The following AGAP1 variants were observed in gnomAD, a reference collection of about 807,000 sequenced individuals.
AGAP1 encodes the protein arf-GAP with GTPase, ANK repeat and PH domain-containing protein 1.
Under a neutral mutation model 105.3 loss-of-function variants are expected in AGAP1, and 29 were observed. The ratio of observed to expected loss-of-function variants is 0.28; its 90% CI spans 0.21 to 0.38. The LOEUF (loss-of-function observed/expected upper bound fraction) is 0.38, where lower values mean the gene tolerates loss of function less well. Ranked by LOEUF, AGAP1 falls within the 10% of genes least tolerant of loss-of-function variation. AGAP1 has a pLI of 1.00. For missense variants in AGAP1, 998 were observed against 1,165.1 expected (o/e 0.86, Z 2.09); for synonymous variants, 509 against 485.9 (o/e 1.05, Z -0.63).
chr2:235,848,095 C>T (rs987195405), intron 9 of AGAP1, among the ~76,000 whole-genome samples: 1 of 152,188 alleles, frequency 6.6e-6, no homozygotes, highest in South Asian at 2.1e-4. Flanking sequence ...AGTATCCCAC[C>T]GGTTACACTC....
In AGAP1 at chr2:235,764,643, A is replaced by ATGGGGGCACCTGGGAGCGCCCGTGGGG. The variant is rs1241958997; in HGVS notation, c.673+14164_673+14190dup. On this transcript the variant is annotated intron_variant, in intron 6 of 17. Coordinates refer to ENST00000304032, the MANE Select transcript of AGAP1 (RefSeq NM_001037131.3). The stretch of plus-strand genomic sequence containing the variant: ...GGCTGCCTGCATGTTCCCACCCCTG[A>ATGGGGGCACCTGGGAGCGCCCGTGGGG]TGGGGGCACCTGGGAGCGCCCGTGG... Among the ~76,000 whole-genome samples, 12 of 147,852 alleles carry ATGGGGGCACCTGGGAGCGCCCGTGGGG rather than the reference A, an allele frequency of 8.1e-5. 1 individual carries two copies. The East Asian group carries it at 1.0e-3, about 13-fold the overall frequency.
intron 13 of AGAP1, among the ~76,000 whole-genome samples, chr2:236,024,037 T>TGG (rs2056973131): frequency 8.1e-5 from 8 of 98,450 alleles, no homozygotes; most frequent in South Asian, 7.4e-4. Context: ...TTTTTTTGTT[T>TGG]TTTTTTTTTT....
At position 236,044,999 on chromosome 2, in the gene AGAP1, TGA is replaced by T. The variant is rs2057673894; in HGVS notation, c.1892-4059_1892-4058del. The stretch of plus-strand genomic sequence containing the variant: ...GTGCAATCATGGCTCACTGCAGCCT[TGA>T]ACTCTTAGGCTCCAGCAATCCTCCC... On this transcript the variant is annotated intron_variant, in intron 15 of 17. Transcript: ENST00000304032. The surrounding 1 kb of genome is among the most constrained non-coding windows in gnomAD (Gnocchi z 5.7). Among the ~76,000 whole-genome samples, 2 of 152,116 alleles carry T rather than the reference TGA, an allele frequency of 1.3e-5. No homozygotes were observed. Among genetic ancestry groups the T allele is most frequent in the African/African-American group, 4.8e-5 (2 of 41,442 alleles).
chr2:235,637,750 T>G (rs1947054211), intron 1 of AGAP1, among the ~76,000 whole-genome samples: 1 of 152,056 alleles, frequency 6.6e-6, no homozygotes, highest in Non-Finnish European at 1.5e-5. Flanking sequence ...GGAGGTCTGT[T>G]AGGGGAATTG....
At chr2:235,813,126 G>T (rs1294463752) in intron 9 of AGAP1, among the ~76,000 whole-genome samples, 1 of 152,268 alleles carries the variant, frequency 6.6e-6, no homozygotes, top group South Asian at 2.1e-4. Flanking sequence ...AGGCCTACAC[G>T]TGAAATGACA....
intron 9 of AGAP1, among the ~76,000 whole-genome samples, chr2:235,839,055 A>G (rs746337489): frequency 3.2e-4 from 48 of 151,948 alleles, no homozygotes; most frequent in Non-Finnish European, 6.3e-4. Context: ...TAGAACATCA[A>G]CTCTGTCGGA....
rs2049609966 is a variant in AGAP1 at position 235,874,453 on chromosome 2, A to G, written c.1051-8892A>G. Among the ~76,000 whole-genome samples, 1 of 152,292 alleles carries G rather than the reference A, an allele frequency of 6.6e-6. No individual in the cohort carries two copies. Among genetic ancestry groups the G allele is most frequent in the Admixed American group, 6.5e-5 (1 of 15,300 alleles). On this transcript the variant is annotated intron_variant, in intron 9 of 17. Transcript: ENST00000304032. This position sits in a 1 kb window ranked among gnomAD's most constrained non-coding sequence, Gnocchi z 4.5. ...CAGCTTCTCAGACATGGCTGCCCTC[A>G]TGCCTCCTTGGGGCCAGGGCTGTGG...
At chr2:235,743,780 A>C (rs1241690706) in intron 4 of AGAP1, among the ~76,000 whole-genome samples, 1 of 152,148 alleles carries the variant, frequency 6.6e-6, no homozygotes, top group Non-Finnish European at 1.5e-5. Flanking sequence ...GACGGGATGG[A>C]TTTCGGTTTT....
chr2:235,955,247 G>A (rs552047699), intron 12 of AGAP1, among the ~76,000 whole-genome samples: 54 of 152,264 alleles, frequency 3.5e-4, no homozygotes, highest in Non-Finnish European at 5.7e-4. Context: ...ACCTCCATCT[G>A]CTTCCTTCTT....
intron 1 of AGAP1, among the ~76,000 whole-genome samples, chr2:235,528,092 C>T (rs1942910252): frequency 6.6e-6 from 1 of 152,188 alleles, no homozygotes; most frequent in Non-Finnish European, 1.5e-5. Flanking sequence ...TGTCCTGGAT[C>T]TGTCAAAAAT....
chr2:235,582,697 G>A lies in AGAP1; in HGVS notation c.163+87848G>A, dbSNP rs935953245. Among the ~76,000 whole-genome samples the A allele has an allele frequency of 1.3e-5, 2 of 152,252 alleles. No individual in the cohort carries two copies. The highest frequency in any genetic ancestry group is 4.8e-5 in the African/African-American group (2 of 41,472). ...GGATTTAGCTGCTGGAGTGATGGCC[G>A]AAGGAGCCTGGGAGAAGTCAGAGAG... On this transcript the variant is annotated intron_variant, in intron 1 of 17. Coordinates refer to ENST00000304032, the MANE Select transcript of AGAP1 (RefSeq NM_001037131.3). The surrounding 1 kb of genome is among the most constrained non-coding windows in gnomAD (Gnocchi z 4.7).
chr2:235,707,093 C>T (rs141537293), intron 1 of AGAP1, among the ~76,000 whole-genome samples: 16 of 152,278 alleles, frequency 1.1e-4, no homozygotes, highest in African/African-American at 2.4e-4. Flanking sequence ...CAAAATTTTG[C>T]GCCCCCGATA....
intron 9 of AGAP1, among the ~76,000 whole-genome samples, chr2:235,807,632 G>C (rs1395190127): frequency 3.3e-5 from 5 of 152,210 alleles, no homozygotes; most frequent in Admixed American, 2.6e-4. Context: ...TGATTGGGCC[G>C]CGGGCCGCCG....
chr2:235,718,477 C>G, intron 3 of AGAP1: 1 of 824,442 alleles, frequency 1.2e-6, no homozygotes. Context: ...GCGTTCCCTT[C>G]CCTCCTTGTT....
chr2:235,698,845 C>T (rs1351324881), intron 1 of AGAP1, among the ~76,000 whole-genome samples: 3 of 152,192 alleles, frequency 2.0e-5, no homozygotes, highest in Non-Finnish European at 4.4e-5. Context: ...ATTTTTATTG[C>T]TCTTCCCACT....
At position 235,739,244 on chromosome 2, in the gene AGAP1, G is replaced by A. The variant is rs527976118; in HGVS notation, c.311-1719G>A. On this transcript the variant is annotated intron_variant, in intron 3 of 17. Coordinates refer to ENST00000304032, the MANE Select transcript of AGAP1 (RefSeq NM_001037131.3). This position sits in a 1 kb window ranked among gnomAD's most constrained non-coding sequence, Gnocchi z 5.3. ...AGCTAGGCCAGTATCGGGGTCTGGGGGCGACCGTCTGCAGCACCGTCACAT... is the reference window on the plus strand; with the variant it reads ...AGCTAGGCCAGTATCGGGGTCTGGGAGCGACCGTCTGCAGCACCGTCACAT... Among the ~76,000 whole-genome samples the A allele has an allele frequency of 6.6e-6, 1 of 152,236 alleles. No individual in the cohort carries two copies. The highest frequency in any genetic ancestry group is 1.5e-5 in the Non-Finnish European group (1 of 68,046).
chr2:235,756,294 G>A (rs1402691710), intron 6 of AGAP1, among the ~76,000 whole-genome samples: 3 of 152,060 alleles, frequency 2.0e-5, no homozygotes, highest in Non-Finnish European at 4.4e-5. Flanking sequence ...ACAGGATCAG[G>A]GTTTTTTTGT....
At chr2:235,735,674 C>G (rs1306283946) in intron 3 of AGAP1, among the ~76,000 whole-genome samples, 3 of 152,128 alleles carry the variant, frequency 2.0e-5, no homozygotes, top group Non-Finnish European at 4.4e-5. Context: ...GGAAATAACT[C>G]AGTTCCACCT....
At position 235,544,641 on chromosome 2, in the gene AGAP1, G is replaced by C. The variant is rs187404450; in HGVS notation, c.163+49792G>C. On this transcript the variant is annotated intron_variant, in intron 1 of 17. Transcript: ENST00000304032. ...AAGGTGGGACAGTGCAGCTTGGGCC[G>C]GGCAGAGGTGGGGAGGCCTGCTGGG... 3.7e-4 allele frequency among the ~76,000 whole-genome samples: 56 copies of C among 152,320 alleles called. No individual in the cohort carries two copies. In the East Asian group the frequency reaches 9.9e-3, roughly 27 times the overall value.
Sources: gnomAD v4.1 joint callset for allele counts (sites outside exome capture counted in the v4.1 genomes callset) on GRCh38, gnomAD v4.1.1 for gene constraint, Gnocchi (gnomAD v3.1) non-coding constraint, MANE v1.5 for transcripts, NCBI Gene and HGNC (gene_info 2026-07-23, HGNC 2026-07-21) for gene names.